The following CADPS variants were observed in gnomAD, a reference collection of about 807,000 sequenced individuals.
The protein encoded by CADPS is calcium-dependent secretion activator 1.
A neutral mutation model predicts 167.3 loss-of-function variants in CADPS; 57 were observed. The ratio of observed to expected loss-of-function variants is 0.34; its 90% CI spans 0.28 to 0.42. CADPS has a LOEUF of 0.42. Ranked by LOEUF, CADPS falls within the 20% of genes least tolerant of loss-of-function variation. CADPS has a pLI of 1.00. For synonymous variants in CADPS, 676 were observed against 635.3 expected, an observed-to-expected ratio of 1.06 and a Z score of -0.96; for missense variants, 1,414 against 1,738.1, an observed-to-expected ratio of 0.81 and a Z score of 3.32.
At chr3:62,511,004 T>G (rs1228518581) in intron 17 of CADPS, among the ~76,000 whole-genome samples, 2 of 152,156 alleles carry the variant, frequency 1.3e-5, no homozygotes, top group Non-Finnish European at 2.9e-5. Flanking sequence ...TTCCCTCTCT[T>G]CAGTCCTTTC....
At chr3:62,733,589 T>C (rs1337662476) in intron 3 of CADPS, among the ~76,000 whole-genome samples, 3 of 152,188 alleles carry the variant, frequency 2.0e-5, no homozygotes, top group Non-Finnish European at 4.4e-5. Context: ...CCTTTCCTTT[T>C]TTATCTTTCT....
chr3:62,875,052 C>G lies in CADPS; in HGVS notation c.-23G>C. 1 of 1,568,796 alleles carries G rather than the reference C, an allele frequency of 6.4e-7. No homozygotes were observed. Among genetic ancestry groups the G allele is most frequent in the Non-Finnish European group, 8.6e-7 (1 of 1,156,900 alleles). ...CATAGTGGCGCCTGGGGAGCGGGGT[C>G]TCTGGAGCCCCCGGCTTGGAGTGCA... On this transcript the variant is annotated 5_prime_UTR_variant, in exon 1 of 30. Transcript: ENST00000383710.
intron 3 of CADPS, among the ~76,000 whole-genome samples, chr3:62,704,480 C>A (rs2081985331): frequency 6.6e-6 from 1 of 152,118 alleles, no homozygotes; most frequent in African/African-American, 2.4e-5. Context: ...CAATGGGGCT[C>A]TATTTACTTC....
chr3:62,620,716 T>A (rs996752205), intron 6 of CADPS, among the ~76,000 whole-genome samples: 11 of 152,114 alleles, frequency 7.2e-5, no homozygotes, highest in African/African-American at 2.7e-4. Context: ...TGTCCTTGCT[T>A]CTTAGGAGTG....
rs188523876 is a variant in CADPS, at chr3:62,678,660, C to T, written c.889-16266G>A. On this transcript the variant is annotated intron_variant, in intron 3 of 29. Coordinates refer to ENST00000383710, the MANE Select transcript of CADPS (RefSeq NM_003716.4). Reference sequence around the variant, plus strand: ...CCAGATTTATAGCATTCTTTCCCTGCTAAAAATGTTTTAAGCCTAAATGCA... The same window carrying T: ...CCAGATTTATAGCATTCTTTCCCTGTTAAAAATGTTTTAAGCCTAAATGCA... Among the ~76,000 whole-genome samples, 34 of 152,168 alleles carry T rather than the reference C, an allele frequency of 2.2e-4. No homozygotes were observed. The East Asian group carries it at 6.0e-3, about 27-fold the overall frequency.
At chr3:62,870,572 G>C (rs1560023857) in intron 1 of CADPS, among the ~76,000 whole-genome samples, 1 of 152,104 alleles carries the variant, frequency 6.6e-6, no homozygotes. Flanking sequence ...TGAGTAGCTT[G>C]AACTTACAAG....
intron 1 of CADPS, among the ~76,000 whole-genome samples, chr3:62,847,273 T>A (rs1314500660): frequency 6.7e-6 from 1 of 150,322 alleles, no homozygotes; most frequent in African/African-American, 2.5e-5. Context: ...TTTTTTTTTT[T>A]TTTTTAACTT....
Position 62,412,884 on chromosome 3 carries a change from A to G in CADPS, c.3778-9699T>C, listed in dbSNP as rs13062062. Among the ~76,000 whole-genome samples the G allele has an allele frequency of 0.3, 45,369 of 152,030 alleles. 6,912 individuals carry two copies. Among genetic ancestry groups the G allele is most frequent in the African/African-American group, 0.36 (15,105 of 41,446 alleles). On this transcript the variant is annotated intron_variant, in intron 28 of 29. Coordinates refer to ENST00000383710, the MANE Select transcript of CADPS (RefSeq NM_003716.4). This position sits in a 1 kb window ranked among gnomAD's most constrained non-coding sequence, Gnocchi z 4.1. Reference sequence around the variant, plus strand: ...GGAATTTTTAGCTAGCCAAAGCCAGAATACAAGTAAGTATGTTGCTTCTGA... The same window carrying G: ...GGAATTTTTAGCTAGCCAAAGCCAGGATACAAGTAAGTATGTTGCTTCTGA...
chr3:62,568,271 T>C (rs2080655775), intron 9 of CADPS, among the ~76,000 whole-genome samples: 1 of 152,112 alleles, frequency 6.6e-6, no homozygotes, highest in Admixed American at 6.5e-5. Context: ...TGTTTCTGGG[T>C]GTGTCTGTGA....
intron 6 of CADPS, chr3:62,625,707 C>T (rs2659470): frequency 0.93 from 140,602 of 150,528 alleles, 66,357 homozygotes; most frequent in East Asian, 1. Context: ...TGGCGGATAC[C>T]ACTTCGTTTT....
chr3:62,474,916 T>A (rs2061078135), intron 23 of CADPS, among the ~76,000 whole-genome samples: 1 of 152,190 alleles, frequency 6.6e-6, no homozygotes, highest in South Asian at 2.1e-4. Flanking sequence ...TACATCAAGC[T>A]GTTAAAGATG....
intron 6 of CADPS, among the ~76,000 whole-genome samples, chr3:62,628,362 G>T (rs963662660): frequency 6.6e-6 from 1 of 152,142 alleles, no homozygotes; most frequent in African/African-American, 2.4e-5. Context: ...AAGTACAAGA[G>T]AATTACAGAG....
At position 62,456,555 on chromosome 3, in the gene CADPS, G is replaced by C. The variant is rs991611030; in HGVS notation, c.3636+8812C>G. ...ATGGAAACTTTCTTCTTGACATAAG[G>C]ATAAAGATGAAAAGAGAATTAGAAA... On this transcript the variant is annotated intron_variant, in intron 26 of 29. Coordinates refer to ENST00000383710, the MANE Select transcript of CADPS (RefSeq NM_003716.4). Among the ~76,000 whole-genome samples the C allele has an allele frequency of 4.6e-5, 7 of 152,014 alleles. No homozygotes were observed. The South Asian group carries it at 6.2e-4, about 13-fold the overall frequency.
chr3:62,556,188 G>A (rs768896022), intron 10 of CADPS, among the ~76,000 whole-genome samples: 4 of 152,198 alleles, frequency 2.6e-5, no homozygotes, highest in African/African-American at 4.8e-5. Flanking sequence ...ATGAGAAGTT[G>A]CATGAAATTG....
chr3:62,873,437 G>T (rs922919352), intron 1 of CADPS, among the ~76,000 whole-genome samples: 2 of 152,066 alleles, frequency 1.3e-5, no homozygotes, highest in African/African-American at 4.8e-5. Context: ...TGGCTTTTTT[G>T]ATAGCTCAAG....
chr3:62,597,291 G>A (rs1213950436), intron 6 of CADPS, among the ~76,000 whole-genome samples: 1 of 152,154 alleles, frequency 6.6e-6, no homozygotes, highest in Admixed American at 6.5e-5. Flanking sequence ...AGGTTACTGT[G>A]AGCTATGATC....
intron 6 of CADPS, among the ~76,000 whole-genome samples, chr3:62,638,687 C>T (rs962252958): frequency 6.6e-6 from 1 of 152,100 alleles, no homozygotes; most frequent in Non-Finnish European, 1.5e-5. Flanking sequence ...AAACTCCAGC[C>T]ACTACTTGAT....
chr3:62,462,044 C>A (rs993864063), intron 26 of CADPS, among the ~76,000 whole-genome samples: 15 of 152,208 alleles, frequency 9.9e-5, no homozygotes, highest in East Asian at 7.7e-4. Context: ...GTGGGAGGAA[C>A]CTGGGTACCT....
At chr3:62,474,041 C>T (rs1348774226) in intron 24 of CADPS, 132 bp downstream of exon 24, 1 of 615,634 alleles carries the variant, frequency 1.6e-6, no homozygotes, top group Non-Finnish European at 2.7e-6. Flanking sequence ...TCATCCATGG[C>T]TTAATCCACA....
Sources: allele counts gnomAD v4.1 joint callset (sites outside exome capture counted in the v4.1 genomes callset), GRCh38; gene constraint gnomAD v4.1.1; non-coding constraint Gnocchi (gnomAD v3.1); transcripts MANE v1.5; gene names NCBI Gene and HGNC (gene_info 2026-07-23, HGNC 2026-07-21).